Variants in TASP1 observed in about 807,000 individuals in gnomAD.
TASP1 encodes taspase 1.
A neutral mutation model predicts 56.6 loss-of-function variants in TASP1; 16 were observed. That is an observed-to-expected ratio of 0.28 (90% CI 0.19 to 0.43). The LOEUF is 0.43. TASP1 is among the 20% of genes least tolerant of loss of function. TASP1 has a pLI of 1.00. For synonymous variants in TASP1, 179 were observed against 184.2 expected, an observed-to-expected ratio of 0.97 and a Z score of 0.23; for missense variants, 393 against 511.6, an observed-to-expected ratio of 0.77 and a Z score of 2.24.
the TASP1 span, among the ~76,000 whole-genome samples, chr20:13,340,275 A>C: frequency 1.3e-5 from 2 of 152,192 alleles, no homozygotes; most frequent in African/African-American, 4.8e-5. Context: ...CAATATATTA[A>C]GGATGACAGA....
At chr20:13,167,072 T>G in the TASP1 span, 1 of 152,304 alleles carries the variant, frequency 6.6e-6, no homozygotes, top group East Asian at 1.9e-4. Context: ...GATATACAGG[T>G]ATAATCCAAG....
chr20:13,205,912 C>T, the TASP1 span, among the ~76,000 whole-genome samples: 1 of 152,178 alleles, frequency 6.6e-6, no homozygotes, highest in South Asian at 2.1e-4. Flanking sequence ...CCCCAAGTTA[C>T]ACCCACATGG....
At chr20:13,380,709 G>A in the TASP1 span, among the ~76,000 whole-genome samples, 1 of 152,168 alleles carries the variant, frequency 6.6e-6, no homozygotes, top group African/African-American at 2.4e-5. Flanking sequence ...CTGTCCCAGG[G>A]AGATGGGAGT....
chr20:13,433,520 C>CAAAAAAAAA lies in TASP1; in HGVS notation c.1096+1515_1096+1523dup, dbSNP rs74746255. Reference sequence around the variant, plus strand: ...CAGAGGGTAGAAGGAGACAGTATGGCAAAAAAAAAAAAAAAAAAAAATACA... The same window carrying CAAAAAAAAA: ...CAGAGGGTAGAAGGAGACAGTATGGCAAAAAAAAAAAAAAAAAAAAAAAAAAAAAATACA... On this transcript the variant is annotated intron_variant, in intron 12 of 13. Coordinates refer to ENST00000337743, the MANE Select transcript of TASP1 (RefSeq NM_017714.3). Among the ~76,000 whole-genome samples, 195 of 89,172 alleles carry CAAAAAAAAA rather than the reference C, an allele frequency of 2.2e-3. 6 individuals are homozygous for CAAAAAAAAA. Among genetic ancestry groups the CAAAAAAAAA allele is most frequent in the African/African-American group, 8.0e-3 (167 of 20,960 alleles). The allele number at this position is 89,172 out of a possible 152,430, so 58.5% of individuals were successfully genotyped here.
the TASP1 span, among the ~76,000 whole-genome samples, chr20:13,116,203 T>C: frequency 0.4 from 60,769 of 151,958 alleles, 12,173 homozygotes; most frequent in African/African-American, 0.42. Flanking sequence ...TGAATCGACC[T>C]AACACTTAAG....
At chr20:13,378,390 G>C in the TASP1 span, among the ~76,000 whole-genome samples, 1 of 152,192 alleles carries the variant, frequency 6.6e-6, no homozygotes, top group Non-Finnish European at 1.5e-5. Context: ...AGTTTTGAGT[G>C]AGTTTCTTAA....
chr20:13,305,368 C>G, the TASP1 span, among the ~76,000 whole-genome samples: 4 of 152,180 alleles, frequency 2.6e-5, no homozygotes, highest in African/African-American at 9.7e-5. Context: ...TGGAGTGGGA[C>G]TGCTCAAATC....
chr20:13,141,185 T>C, the TASP1 span, among the ~76,000 whole-genome samples: 1 of 152,236 alleles, frequency 6.6e-6, no homozygotes, highest in Non-Finnish European at 1.5e-5. Flanking sequence ...TGACATGAGA[T>C]ACATTCACAA....
At chr20:13,349,507 G>A in the TASP1 span, among the ~76,000 whole-genome samples, 2 of 152,292 alleles carry the variant, frequency 1.3e-5, no homozygotes, top group Middle Eastern at 3.4e-3. Context: ...TATTGGGGTC[G>A]TGGGAGGGAA....
At chr20:13,184,796 A>G in the TASP1 span, among the ~76,000 whole-genome samples, 8 of 152,178 alleles carry the variant, frequency 5.3e-5, no homozygotes, top group African/African-American at 1.9e-4. Context: ...TAAGAGACAT[A>G]TGGGGTAAAC....
chr20:13,542,555 A>G (rs989974753), intron 8 of TASP1, among the ~76,000 whole-genome samples: 1 of 152,182 alleles, frequency 6.6e-6, no homozygotes, highest in African/African-American at 2.4e-5. Context: ...ATTTTAGAAA[A>G]GAAAGTTTCT....
intron 13 of TASP1, among the ~76,000 whole-genome samples, chr20:13,409,386 T>A (rs1264049706): frequency 6.6e-6 from 1 of 152,062 alleles, no homozygotes; most frequent in Admixed American, 6.5e-5. Flanking sequence ...TTACTCCTTT[T>A]ATTACTGTCA....
At chr20:13,285,547 C>T in the TASP1 span, among the ~76,000 whole-genome samples, 1 of 152,252 alleles carries the variant, frequency 6.6e-6, no homozygotes, top group South Asian at 2.1e-4. Context: ...AGGCACTTCA[C>T]GCTTGGGGGA....
chr20:13,124,373 G>C, the TASP1 span, among the ~76,000 whole-genome samples: 1 of 151,450 alleles, frequency 6.6e-6, no homozygotes, highest in Admixed American at 6.6e-5. Flanking sequence ...AAGGGAGGGA[G>C]GAAGGAAGGA....
At chr20:13,359,627 A>G in the TASP1 span, among the ~76,000 whole-genome samples, 1 of 151,204 alleles carries the variant, frequency 6.6e-6, no homozygotes, top group African/African-American at 2.5e-5. Flanking sequence ...CCAGGCTTCT[A>G]AACCTCTTAA....
the TASP1 span, among the ~76,000 whole-genome samples, chr20:13,353,892 TA>T: frequency 6.6e-6 from 1 of 150,698 alleles, no homozygotes; most frequent in African/African-American, 2.4e-5. Context: ...AGACAGAAAC[TA>T]AAATAAAGAA....
the TASP1 span, among the ~76,000 whole-genome samples, chr20:13,379,140 C>T: frequency 3.9e-5 from 6 of 151,906 alleles, no homozygotes; most frequent in East Asian, 5.8e-4. Flanking sequence ...GTTATTTTGC[C>T]CATTAGTTGA....
At chr20:13,109,692 C>T in the TASP1 span, among the ~76,000 whole-genome samples, 1 of 152,172 alleles carries the variant, frequency 6.6e-6, no homozygotes, top group East Asian at 1.9e-4. Context: ...AAGTGAGATC[C>T]GTGCAAACTC....
intron 13 of TASP1, among the ~76,000 whole-genome samples, chr20:13,413,950 T>C (rs1054255415): frequency 1.2e-4 from 18 of 152,132 alleles, no homozygotes; most frequent in African/African-American, 4.3e-4. Flanking sequence ...TTCATAAGAA[T>C]AAAAATATTA....
Sources: allele counts gnomAD v4.1 joint callset (sites outside exome capture counted in the v4.1 genomes callset), GRCh38; gene constraint gnomAD v4.1.1; transcripts MANE v1.5; gene names NCBI Gene and HGNC (gene_info 2026-07-23, HGNC 2026-07-21).